Variants in NTM observed in about 807,000 individuals in gnomAD.
The protein encoded by NTM is neurotrimin.
NTM carries 13 observed loss-of-function variants against 42.1 expected under a neutral mutation model. That is an observed-to-expected ratio of 0.31 (90% CI 0.20 to 0.49). The LOEUF is 0.49. Among genes scored for constraint, NTM ranks in the 20% least tolerant of loss-of-function variants. The probability of loss-of-function intolerance (pLI) is 0.99; values close to 1 mark genes in which losing one functional copy is unlikely to be tolerated. For missense variants in NTM, 373 were observed against 452.8 expected, an observed-to-expected ratio of 0.82 and a Z score of 1.60; for synonymous variants, 187 against 179.2, an observed-to-expected ratio of 1.04 and a Z score of -0.35.
intron 1 of NTM, among the ~76,000 whole-genome samples, chr11:131,893,357 C>A (rs373802545): frequency 1.3e-5 from 2 of 152,218 alleles, no homozygotes; most frequent in East Asian, 1.9e-4. Flanking sequence ...GAAAATGATT[C>A]GGAGTTGCTT....
intron 4 of NTM, among the ~76,000 whole-genome samples, chr11:132,267,147 A>G (rs2093231946): frequency 6.6e-6 from 1 of 152,198 alleles, no homozygotes; most frequent in South Asian, 2.1e-4. Flanking sequence ...AGCTAGATCA[A>G]AGGATTTTTC....
chr11:132,178,444 A>T (rs987961051), intron 3 of NTM, among the ~76,000 whole-genome samples: 1 of 152,204 alleles, frequency 6.6e-6, no homozygotes, highest in Non-Finnish European at 1.5e-5. Flanking sequence ...ATTGACATTT[A>T]TGGTTTCCAT....
At chr11:131,528,607 G>A (rs895050992) in intron 1 of NTM, among the ~76,000 whole-genome samples, 2 of 152,146 alleles carry the variant, frequency 1.3e-5, no homozygotes, top group African/African-American at 4.8e-5. Flanking sequence ...TTGTGTTAAG[G>A]CATGGATTCT....
chr11:131,809,796 G>A (rs2092663468), intron 1 of NTM, among the ~76,000 whole-genome samples: 1 of 152,214 alleles, frequency 6.6e-6, no homozygotes, highest in African/African-American at 2.4e-5. Context: ...AGGGTGCAGA[G>A]TGAGACAGCA....
chr11:132,297,639 A>C (rs77711695), intron 4 of NTM, among the ~76,000 whole-genome samples: 2 of 152,338 alleles, frequency 1.3e-5, no homozygotes, highest in East Asian at 3.9e-4. Flanking sequence ...TTAATGAAAC[A>C]TACGTAAGGC....
intron 2 of NTM, among the ~76,000 whole-genome samples, chr11:131,968,117 A>G (rs2063070099): frequency 6.6e-6 from 1 of 152,202 alleles, no homozygotes. Flanking sequence ...CCTTTATACA[A>G]TTATCACAAT....
chr11:132,074,305 T>C (rs191918787), intron 2 of NTM, among the ~76,000 whole-genome samples: 1 of 152,268 alleles, frequency 6.6e-6, no homozygotes, highest in African/African-American at 2.4e-5. Context: ...TCCATCACCA[T>C]TCTTGTGGGG....
At chr11:131,994,261 T>A (rs1166593844) in intron 2 of NTM, among the ~76,000 whole-genome samples, 1 of 152,190 alleles carries the variant, frequency 6.6e-6, no homozygotes. Context: ...ATGGTAAACT[T>A]CTTTTGCAGT....
chr11:131,573,519 A>C (rs1460015345), intron 1 of NTM: 1 of 152,122 alleles, frequency 6.6e-6, no homozygotes. Context: ...GTAGAAACAG[A>C]ATTTCTACTC....
chr11:131,940,510 G>A (rs1280357228), intron 2 of NTM, among the ~76,000 whole-genome samples: 1 of 152,210 alleles, frequency 6.6e-6, no homozygotes, highest in Non-Finnish European at 1.5e-5. Context: ...CATGCACAAT[G>A]TACATATGAC....
chr11:131,553,061 A>G (rs2054923776), intron 1 of NTM, among the ~76,000 whole-genome samples: 1 of 152,320 alleles, frequency 6.6e-6, no homozygotes, highest in African/African-American at 2.4e-5. Flanking sequence ...TCAGGAATGG[A>G]TGCTTAGGTG....
At chr11:132,327,810 C>T (rs1033691656) in intron 7 of NTM, among the ~76,000 whole-genome samples, 1 of 151,434 alleles carries the variant, frequency 6.6e-6, no homozygotes. Flanking sequence ...TTTCTTCCTT[C>T]CTGTCTCCCT....
At chr11:131,683,624 G>A (rs1020659575) in intron 1 of NTM, among the ~76,000 whole-genome samples, 3 of 152,222 alleles carry the variant, frequency 2.0e-5, no homozygotes, top group African/African-American at 7.2e-5. Flanking sequence ...CACTAAACCT[G>A]CCCTGCAGAG....
chr11:132,103,835 G>T (rs932657697), intron 2 of NTM, among the ~76,000 whole-genome samples: 1 of 152,206 alleles, frequency 6.6e-6, no homozygotes, highest in Non-Finnish European at 1.5e-5. Context: ...TGGTGCAGAT[G>T]AAAATGCAGA....
At chr11:131,491,261 T>G (rs1009535342) in intron 1 of NTM, among the ~76,000 whole-genome samples, 1 of 152,196 alleles carries the variant, frequency 6.6e-6, no homozygotes, top group African/African-American at 2.4e-5. Flanking sequence ...ATCTTTCTAT[T>G]CTTTCTATAG....
chr11:131,747,899 G>A (rs2082014010), intron 1 of NTM, among the ~76,000 whole-genome samples: 2 of 152,142 alleles, frequency 1.3e-5, no homozygotes. Context: ...TCTCCACCAG[G>A]ACACAACCAA....
At chr11:131,643,400 A>G (rs111462005) in intron 1 of NTM, among the ~76,000 whole-genome samples, 214 of 152,316 alleles carry the variant, frequency 1.4e-3, no homozygotes, top group African/African-American at 5.0e-3. Flanking sequence ...GGAGCGGCCC[A>G]GCATGAGCAC....
chr11:131,372,235 A>G (rs1233458527), intron 1 of NTM, among the ~76,000 whole-genome samples: 1 of 152,172 alleles, frequency 6.6e-6, no homozygotes, highest in Non-Finnish European at 1.5e-5. Flanking sequence ...GGGTGGGGAC[A>G]GGAGGGATCT....
intron 7 of NTM, among the ~76,000 whole-genome samples, chr11:132,323,625 G>A (rs1479625240): frequency 6.6e-6 from 1 of 152,092 alleles, no homozygotes; most frequent in African/African-American, 2.4e-5. Context: ...CATTCCTTCT[G>A]AAATTATTCT....
Sources: gnomAD v4.1 joint callset for allele counts (sites outside exome capture counted in the v4.1 genomes callset) on GRCh38, gnomAD v4.1.1 for gene constraint, MANE v1.5 for transcripts, NCBI Gene and HGNC (gene_info 2026-07-23, HGNC 2026-07-21) for gene names.